KIF13A: variants seen among roughly 807,000 people sequenced by gnomAD.
The protein encoded by KIF13A is kinesin-like protein KIF13A.
Under a neutral mutation model 212.2 loss-of-function variants are expected in KIF13A, and 79 were observed. The observed-to-expected ratio is 0.37, with a 90% CI of 0.31 to 0.45. KIF13A has a LOEUF of 0.45. KIF13A is among the 20% of genes least tolerant of loss of function. The pLI, the probability that KIF13A is intolerant of heterozygous loss-of-function variation, is 1.00. For synonymous variants in KIF13A, 789 were observed against 808.6 expected, an observed-to-expected ratio of 0.98 and a Z score of 0.41; for missense variants, 1,901 against 2,209.0, an observed-to-expected ratio of 0.86 and a Z score of 2.79.
At chr6:17,762,973 C>T (rs1483720577), downstream of KIF13A, among the ~76,000 whole-genome samples, 1 of 152,188 alleles carries the variant, frequency 6.6e-6, no homozygotes, top group Non-Finnish European at 1.5e-5. Flanking sequence ...TTTACTTTTA[C>T]CAAGCCTCTT....
intron 2 of KIF13A, among the ~76,000 whole-genome samples, chr6:17,946,443 C>CA (rs368432672): frequency 0.02 from 2,623 of 128,478 alleles, 34 homozygotes; most frequent in African/African-American, 0.046. Flanking sequence ...TTTAAAAGGC[C>CA]AAAAAAAAAA....
At chr6:17,975,627 C>T (rs986144125) in intron 2 of KIF13A, among the ~76,000 whole-genome samples, 2 of 152,186 alleles carry the variant, frequency 1.3e-5, no homozygotes, top group African/African-American at 4.8e-5. Flanking sequence ...ATTCTCTTAT[C>T]TGGCCCCACC....
chr6:17,901,888 TAGGA>T (rs1235170087), intron 2 of KIF13A, among the ~76,000 whole-genome samples: 1 of 152,198 alleles, frequency 6.6e-6, no homozygotes, highest in Non-Finnish European at 1.5e-5. Flanking sequence ...TCTCAGCTAC[TAGGA>T]AGGCTGAGGC....
At position 17,829,362 on chromosome 6, in the gene KIF13A, AAAC is replaced by A. The variant is rs1765236137; in HGVS notation, c.1402-995_1402-993del. Among the ~76,000 whole-genome samples the A allele has an allele frequency of 6.6e-6, 1 of 152,264 alleles. No homozygotes were observed. The highest frequency in any genetic ancestry group is 6.5e-5 in the Admixed American group (1 of 15,288). Reference sequence around the variant, plus strand: ...CGTGATAAAATGAGAGAGCAGAGCCAAACAACATGTTCGTGTTTATATTAAAGT... The same window carrying A: ...CGTGATAAAATGAGAGAGCAGAGCCAAACATGTTCGTGTTTATATTAAAGT... On this transcript the variant is annotated intron_variant, in intron 13 of 38. Coordinates refer to ENST00000259711, the MANE Select transcript of KIF13A (RefSeq NM_022113.6). The surrounding 1 kb of genome is among the most constrained non-coding windows in gnomAD (Gnocchi z 5.4).
chr6:17,881,327 T>A (rs951248058), intron 3 of KIF13A, among the ~76,000 whole-genome samples: 2 of 152,092 alleles, frequency 1.3e-5, no homozygotes, highest in Non-Finnish European at 2.9e-5. Flanking sequence ...TTGAGAGATA[T>A]ATATAATCTG....
chr6:17,950,613 T>C, intron 2 of KIF13A: 1 of 985,242 alleles, frequency 1.0e-6, no homozygotes, highest in Non-Finnish European at 1.2e-6. Flanking sequence ...CAGCTGAGCA[T>C]CTTAACAAAA....
At chr6:17,981,586 G>T (rs1781095909) in intron 2 of KIF13A, among the ~76,000 whole-genome samples, 1 of 151,750 alleles carries the variant, frequency 6.6e-6, no homozygotes, top group Non-Finnish European at 1.5e-5. Flanking sequence ...ACCACGCCAG[G>T]CTAATTTTTT....
downstream of KIF13A, among the ~76,000 whole-genome samples, chr6:17,762,131 T>C (rs1364173643): frequency 6.6e-6 from 1 of 151,778 alleles, no homozygotes; most frequent in African/African-American, 2.4e-5. Flanking sequence ...TCTTGAGCTC[T>C]TGGGCTCAAG....
rs1346544616 is a variant in KIF13A, at chr6:17,789,659, A to C, written c.3261+213T>G. Among the ~76,000 whole-genome samples, 2 of 152,206 alleles carry C rather than the reference A, an allele frequency of 1.3e-5. No individual in the cohort carries two copies. Among genetic ancestry groups the C allele is most frequent in the Non-Finnish European group, 2.9e-5 (2 of 68,032 alleles). On this transcript the variant is annotated intron_variant, in intron 26 of 38. Transcript: ENST00000259711. This position sits in a 1 kb window ranked among gnomAD's most constrained non-coding sequence, Gnocchi z 4.8. ...CCAGTAAATCGAGATGGCATAGCAA[A>C]AAGGCAATATTTAGTTATAAATTTT...
rs200829731 is a variant in KIF13A at position 17,940,690 on chromosome 6, G to A, written c.147-42510C>T. 2.4e-4 allele frequency among the ~76,000 whole-genome samples: 36 copies of A among 152,196 alleles called. 2 individuals are homozygous for A. In the East Asian group the frequency reaches 6.6e-3, roughly 28 times the overall value. ...GCTTGAACTAATGGCTGCATAATTAGCTTGATATAAAAGAAGATTATTTGC... is the reference window on the plus strand; with the variant it reads ...GCTTGAACTAATGGCTGCATAATTAACTTGATATAAAAGAAGATTATTTGC... On this transcript the variant is annotated intron_variant, in intron 2 of 38. Transcript: ENST00000259711.
In KIF13A at chr6:17,804,384, G is replaced by T; in HGVS notation, c.2431C>A (p.Pro811Thr). The T allele has an allele frequency of 6.4e-7, 1 of 1,551,512 alleles. No individual in the cohort carries two copies. Among genetic ancestry groups the T allele is most frequent in the Non-Finnish European group, 8.7e-7 (1 of 1,146,620 alleles). The change falls in exon 20 of 39, where the codon CCT becomes ACT. Residue 811 changes from proline (P) to threonine (T), a missense_variant. Transcript: ENST00000259711. ...FCDVKLQYAV[P>T]IISQQGEVAG... The stretch of plus-strand genomic sequence containing the variant: ...ACCTCCCCCTGCTGGCTGATGATAG[G>T]GACTGCATACTGAAGTTTCACATCA...
At chr6:17,878,488 C>T (rs1770771559) in intron 3 of KIF13A, among the ~76,000 whole-genome samples, 2 of 147,576 alleles carry the variant, frequency 1.4e-5, no homozygotes, top group South Asian at 4.3e-4. Flanking sequence ...TGTTGTGTTG[C>T]CAAGGCTGGT....
intron 2 of KIF13A, among the ~76,000 whole-genome samples, chr6:17,977,712 T>A (rs971190217): frequency 2.0e-5 from 3 of 152,252 alleles, no homozygotes; most frequent in South Asian, 2.1e-4. Flanking sequence ...TTAATTTTTT[T>A]AAATTATACT....
intron 3 of KIF13A, chr6:17,881,635 T>A (rs1216190868): frequency 2.9e-6 from 1 of 349,986 alleles, no homozygotes; most frequent in East Asian, 7.6e-5. Context: ...AAGCGGAGGT[T>A]GCAGTGAGCT....
At chr6:17,917,047 C>G (rs1424283381) in intron 2 of KIF13A, among the ~76,000 whole-genome samples, 2 of 151,452 alleles carry the variant, frequency 1.3e-5, no homozygotes, top group Non-Finnish European at 2.9e-5. Context: ...AAATTCCCCA[C>G]TAGACACTGT....
intron 3 of KIF13A, among the ~76,000 whole-genome samples, chr6:17,887,991 C>T (rs1389976989): frequency 1.3e-5 from 2 of 151,892 alleles, no homozygotes; most frequent in Admixed American, 1.3e-4. Flanking sequence ...CAGGTGTGAG[C>T]CACTGGGCCC....
rs982934878 is a variant in KIF13A at position 17,918,253 on chromosome 6, T to C, written c.147-20073A>G. On this transcript the variant is annotated intron_variant, in intron 2 of 38. Transcript: ENST00000259711. This position sits in a 1 kb window ranked among gnomAD's most constrained non-coding sequence, Gnocchi z 4.8. ...CTCCTATCGGGTCTGGCATAGTGCT[T>C]GACGTGCAGCAGAGGATAAATGTTT... 3.9e-5 allele frequency among the ~76,000 whole-genome samples: 6 copies of C among 152,050 alleles called. No individual in the cohort carries two copies. The highest frequency in any genetic ancestry group is 7.4e-5 in the Non-Finnish European group (5 of 68,012).
rs756839880 is a variant in KIF13A at position 17,970,045 on chromosome 6, CG to C, written c.146+17008del. On this transcript the variant is annotated intron_variant, in intron 2 of 38. Transcript: ENST00000259711. ...TCACGCCATTATCCTGCCTCAGCCC[CG>C]CAAGTAGCTGGGATTACAGGCGCCC... Among the ~76,000 whole-genome samples the C allele has an allele frequency of 2.0e-5, 3 of 152,034 alleles. No homozygotes were observed. In the East Asian group the frequency reaches 5.9e-4, roughly 30 times the overall value.
chr6:17,987,401 C>A lies in KIF13A; in HGVS notation c.55+8G>T. On this transcript the variant is annotated splice_region_variant and intron_variant, in intron 1 of 38. Coordinates refer to ENST00000259711, the MANE Select transcript of KIF13A (RefSeq NM_022113.6). The surrounding 1 kb of genome is among the most constrained non-coding windows in gnomAD (Gnocchi z 7.7). ...AGCAGAAATAAAAAAGAGCGGAAAG[C>A]TCCTCACCTCGTCGGTTCATGGGCC... is the stretch of plus-strand genomic sequence containing the variant. 7.3e-7 allele frequency: 1 copy of A among 1,370,348 alleles called. No homozygotes were observed. Among genetic ancestry groups the A allele is most frequent in the Non-Finnish European group, 9.7e-7 (1 of 1,033,360 alleles). 84.9% of individuals were successfully genotyped at this position (1,370,348 alleles called of 1,614,324 possible). A position where few individuals can be genotyped will look rare whatever the true frequency, so the allele number is the denominator to read the frequency against.
Sources: allele counts gnomAD v4.1 joint callset (sites outside exome capture counted in the v4.1 genomes callset), GRCh38; gene constraint gnomAD v4.1.1; non-coding constraint Gnocchi (gnomAD v3.1); transcripts MANE v1.5; gene names NCBI Gene and HGNC (gene_info 2026-07-23, HGNC 2026-07-21).